The following AGBL1 variants were observed in gnomAD, a reference collection of about 807,000 sequenced individuals.
The protein encoded by AGBL1 is cytosolic carboxypeptidase 4.
A neutral mutation model predicts 118.9 loss-of-function variants in AGBL1; 130 were observed. The ratio of observed to expected loss-of-function variants is 1.09; its 90% CI spans 0.95 to 1.26. AGBL1 has a LOEUF of 1.26. Ranked by LOEUF, AGBL1 falls within the 50% of genes most tolerant of loss-of-function variation. The pLI is 0.00. For synonymous variants in AGBL1, 555 were observed against 478.9 expected (o/e 1.16, Z -2.08); for missense variants, 1,584 against 1,298.1 (o/e 1.22, Z -3.38).
At chr15:86,668,487 T>G (rs2085685485) in intron 21 of AGBL1, among the ~76,000 whole-genome samples, 1 of 152,226 alleles carries the variant, frequency 6.6e-6, no homozygotes, top group South Asian at 2.1e-4. Flanking sequence ...TTTTTCCTAT[T>G]TCTGGCAGTA....
chr15:86,931,974 G>T (rs182947692), intron 23 of AGBL1, among the ~76,000 whole-genome samples: 1 of 152,164 alleles, frequency 6.6e-6, no homozygotes, highest in African/African-American at 2.4e-5. Context: ...TTGTGGTTCT[G>T]TTTGATATTC....
chr15:86,375,279 G>A (rs1192925562), intron 17 of AGBL1, among the ~76,000 whole-genome samples: 1 of 152,174 alleles, frequency 6.6e-6, no homozygotes, highest in East Asian at 1.9e-4. Flanking sequence ...AATCATGGCA[G>A]AAGGGAAAGC....
At chr15:86,219,833 G>A (rs1468608565) in intron 5 of AGBL1, among the ~76,000 whole-genome samples, 1 of 151,422 alleles carries the variant, frequency 6.6e-6, no homozygotes, top group Non-Finnish European at 1.5e-5. Flanking sequence ...TAAAAATATT[G>A]CACAGAGAGA....
intron 21 of AGBL1, among the ~76,000 whole-genome samples, chr15:86,563,779 G>A (rs2083868870): frequency 6.6e-6 from 1 of 152,088 alleles, no homozygotes; most frequent in Admixed American, 6.5e-5. Flanking sequence ...TCTCTTTGTA[G>A]GTCTCTAAGG....
rs1895795904 is a variant in AGBL1, at chr15:86,088,270, A to C, written c.51+8247A>C. 2.0e-5 allele frequency: 3 copies of C among 152,250 alleles called. No individual in the cohort carries two copies. In the South Asian group the frequency reaches 6.2e-4, roughly 32 times the overall value. The allele number at this position is 152,250 out of a possible 1,614,324, so 9.4% of individuals were successfully genotyped here. Reference sequence around the variant, plus strand: ...AGGTAGTGATGGAGCACGAGGTGGTAATTGCTGCGGCAAACTGCCAAGTAG... The same window carrying C: ...AGGTAGTGATGGAGCACGAGGTGGTCATTGCTGCGGCAAACTGCCAAGTAG... On this transcript the variant is annotated intron_variant, in intron 1 of 22. Coordinates refer to ENST00000614907, the MANE Select transcript of AGBL1 (RefSeq NM_001386094.1).
intron 5 of AGBL1, 136 bp downstream of exon 5, chr15:86,159,162 T>C (rs2050316309): frequency 3.8e-6 from 3 of 791,556 alleles, no homozygotes; most frequent in Non-Finnish European, 6.3e-6. Context: ...ACCATGTCTT[T>C]ATCCTTTCTC....
chr15:86,677,912 T>C (rs867339833), intron 22 of AGBL1, among the ~76,000 whole-genome samples: 32 of 152,342 alleles, frequency 2.1e-4, no homozygotes, highest in South Asian at 4.1e-4. Flanking sequence ...AAAGCGCCCC[T>C]ATCCCTGTCT....
At chr15:86,736,805 T>TCTAAA (rs1311537723) in intron 22 of AGBL1, among the ~76,000 whole-genome samples, 6 of 152,132 alleles carry the variant, frequency 3.9e-5, no homozygotes, top group Non-Finnish European at 7.4e-5. Flanking sequence ...CTTATGAGGG[T>TCTAAA]ACCCTTTGAA....
At chr15:86,721,477 T>G (rs1156246872) in intron 22 of AGBL1, among the ~76,000 whole-genome samples, 2 of 152,190 alleles carry the variant, frequency 1.3e-5, no homozygotes, top group Admixed American at 1.3e-4. Context: ...TCTCAATAAA[T>G]TAGGTATTGA....
chr15:86,775,699 A>G (rs1356168510), intron 22 of AGBL1, among the ~76,000 whole-genome samples: 1 of 152,140 alleles, frequency 6.6e-6, no homozygotes, highest in Non-Finnish European at 1.5e-5. Context: ...AAATACTTAC[A>G]TTTTTAACTC....
At chr15:86,629,125 A>G (rs2084929501) in intron 21 of AGBL1, among the ~76,000 whole-genome samples, 2 of 152,104 alleles carry the variant, frequency 1.3e-5, no homozygotes, top group Non-Finnish European at 2.9e-5. Context: ...CAGCTGACTA[A>G]CATCTTCCCA....
chr15:86,460,079 A>G (rs12903853), intron 18 of AGBL1, among the ~76,000 whole-genome samples: 57,816 of 151,762 alleles, frequency 0.38, 12,096 homozygotes, highest in Middle Eastern at 0.52. Context: ...GGTCAGATTC[A>G]GCAATAGAAG....
At chr15:86,333,356 C>T (rs1567203690) in intron 17 of AGBL1, among the ~76,000 whole-genome samples, 1 of 152,090 alleles carries the variant, frequency 6.6e-6, no homozygotes, top group Non-Finnish European at 1.5e-5. Context: ...GGTGACATCA[C>T]AAGTAATCCC....
At chr15:86,740,417 A>G (rs754941812) in intron 22 of AGBL1, among the ~76,000 whole-genome samples, 15 of 152,190 alleles carry the variant, frequency 9.9e-5, no homozygotes, top group Non-Finnish European at 2.2e-4. Context: ...GTTGCCAGGT[A>G]TGCCCCACAC....
chr15:86,114,827 T>C (rs1303720568), intron 1 of AGBL1, among the ~76,000 whole-genome samples: 1 of 152,226 alleles, frequency 6.6e-6, no homozygotes, highest in Non-Finnish European at 1.5e-5. Flanking sequence ...AACGAGATGC[T>C]GAGGTCCAAC....
chr15:86,243,654 A>G (rs1416510628), intron 6 of AGBL1, among the ~76,000 whole-genome samples: 1 of 152,080 alleles, frequency 6.6e-6, no homozygotes, highest in African/African-American at 2.4e-5. Context: ...GTGAGGTGTT[A>G]ATACGAAAGA....
chr15:86,439,367 G>C (rs2082035203), intron 18 of AGBL1, among the ~76,000 whole-genome samples: 1 of 152,098 alleles, frequency 6.6e-6, no homozygotes, highest in African/African-American at 2.4e-5. Context: ...ACTTAGAGAT[G>C]ACATCTCGTT....
intron 22 of AGBL1, among the ~76,000 whole-genome samples, chr15:86,738,745 T>A (rs1231556477): frequency 6.6e-6 from 1 of 152,184 alleles, no homozygotes; most frequent in African/African-American, 2.4e-5. Flanking sequence ...ATTGCAGGCC[T>A]AAGAAGTCTT....
At chr15:86,819,823 C>T (rs2078914361) in intron 22 of AGBL1, among the ~76,000 whole-genome samples, 2 of 152,216 alleles carry the variant, frequency 1.3e-5, no homozygotes, top group South Asian at 4.1e-4. Context: ...AAAAAGAGCC[C>T]ATATAGCCAA....
Sources: allele counts gnomAD v4.1 joint callset (sites outside exome capture counted in the v4.1 genomes callset), GRCh38; gene constraint gnomAD v4.1.1; transcripts MANE v1.5; gene names NCBI Gene and HGNC (gene_info 2026-07-23, HGNC 2026-07-21).